Variants in RESF1 observed in about 807,000 individuals in gnomAD.
RESF1 encodes gonad expressed transcript.
In RESF1, 65 loss-of-function variants were observed where a neutral mutation model predicts 134.7. The observed-to-expected ratio is 0.48, with a 90% CI of 0.40 to 0.59. RESF1 has a LOEUF of 0.59. Among genes scored for constraint, RESF1 ranks in the 20% least tolerant of loss-of-function variants. RESF1 has a pLI of 0.00. For missense variants in RESF1, 2,274 were observed against 2,002.7 expected (o/e 1.14, Z -2.59); for synonymous variants, 762 against 702.2 (o/e 1.09, Z -1.35).
intron 1 of RESF1, 102 bp downstream of exon 1, chr12:31,959,593 CGCGCGGCGCAGA>C (rs1398261807): frequency 6.6e-6 from 1 of 152,138 alleles, no homozygotes; most frequent in Non-Finnish European, 1.5e-5. Context: ...TCCGGGCCTG[CGCGCGGCGCAGA>C]GCGCTTTTGT....
intron 5 of RESF1, among the ~76,000 whole-genome samples, chr12:31,989,163 G>A (rs377612118): frequency 1.3e-5 from 2 of 150,980 alleles, no homozygotes; most frequent in Non-Finnish European, 3.0e-5. Flanking sequence ...TTGGGAGGCC[G>A]AGGCAGGCGG....
At position 31,983,249 on chromosome 12, in the gene RESF1, CGTTA is replaced by C; in HGVS notation, c.2298_2301del (p.Leu766PhefsTer13). 6.2e-7 allele frequency: 1 copy of C among 1,611,670 alleles called. No individual in the cohort carries two copies. Among genetic ancestry groups the C allele is most frequent in the Non-Finnish European group, 8.5e-7 (1 of 1,178,784 alleles). On this transcript the variant is annotated frameshift_variant, in exon 4 of 6. Coordinates refer to ENST00000312561, the MANE Select transcript of RESF1 (RefSeq NM_018169.4). LOFTEE classifies it high-confidence loss of function. ...GAACTTCAGATAGCTGTAGTGTCACCGTTAGTTCTGTCAGAGGTCAAAACATTGT... is the reference window on the plus strand; with the variant it reads ...GAACTTCAGATAGCTGTAGTGTCACCGTTCTGTCAGAGGTCAAAACATTGT...
intron 3 of RESF1, 147 bp from the exon 4 acceptor site, chr12:31,980,731 T>C (rs563646927): frequency 1.4e-4 from 58 of 429,320 alleles, no homozygotes; most frequent in African/African-American, 1.1e-3. Context: ...TTTATTGTTG[T>C]ATCCTCTATT....
At chr12:31,988,554 C>T (rs760478139) in intron 5 of RESF1, among the ~76,000 whole-genome samples, 4 of 152,132 alleles carry the variant, frequency 2.6e-5, no homozygotes, top group Non-Finnish European at 5.9e-5. Flanking sequence ...TGGGTGGATG[C>T]TGCAGAAGTG....
chr12:31,982,798 G>A lies in RESF1; in HGVS notation c.1843G>A (p.Glu615Lys). ...TIQDSKPDSC[E>K]MNPNTQMTGN... ...TCAGGATTCTAAACCAGACAGTTGT[G>A]AAATGAATCCAAATACCCAAATGAC... The change falls in exon 4 of 6, where the codon GAA becomes AAA. Residue 615 changes from glutamate (E) to lysine (K), a missense_variant. Coordinates refer to ENST00000312561, the MANE Select transcript of RESF1 (RefSeq NM_018169.4). The A allele has an allele frequency of 2.5e-6, 4 of 1,614,150 alleles. No individual in the cohort carries two copies. Among genetic ancestry groups the A allele is most frequent in the Non-Finnish European group, 3.4e-6 (4 of 1,180,006 alleles).
intron 3 of RESF1, among the ~76,000 whole-genome samples, chr12:31,974,750 A>C (rs1939592337): frequency 6.6e-6 from 1 of 152,068 alleles, no homozygotes; most frequent in South Asian, 2.1e-4. Context: ...GGGGACAGTG[A>C]GGGGGACGGG....
Position 31,981,405 on chromosome 12 carries a change from G to A in RESF1, c.450G>A (p.Pro150=), listed in dbSNP as rs188260704. ...TTGGAGCTAACGTACCCAATATGCC[G>A]GCACTACAGAGTCAACTGATAACAT... ...TDFGANVPNM[P]ALQSQLITSD... The change falls in exon 4 of 6, where the codon CCG becomes CCA. Residue 150 remains proline (P), a synonymous_variant. Transcript: ENST00000312561. 25 of 1,613,956 alleles carry A rather than the reference G, an allele frequency of 1.5e-5. No individual in the cohort carries two copies. The African/African-American group carries it at 2.3e-4, about 15-fold the overall frequency.
intron 2 of RESF1, among the ~76,000 whole-genome samples, chr12:31,968,571 C>T (rs1939446722): frequency 6.6e-6 from 1 of 151,956 alleles, no homozygotes; most frequent in Non-Finnish European, 1.5e-5. Context: ...GCCTCAGCCT[C>T]CCGAGTAGCT....
At chr12:31,962,290 C>G (rs1298657022) in intron 2 of RESF1, among the ~76,000 whole-genome samples, 1 of 151,328 alleles carries the variant, frequency 6.6e-6, no homozygotes, top group Non-Finnish European at 1.5e-5. Flanking sequence ...CTCCCTCCCC[C>G]ATTAGAGGCA....
Position 31,983,754 on chromosome 12 carries a change from G to C in RESF1, c.2799G>C (p.Gly933=), listed in dbSNP as rs1367598085. Residue 933 remains glycine, a synonymous_variant, in exon 4 of 6, where the codon GGG becomes GGC. Coordinates refer to ENST00000312561, the MANE Select transcript of RESF1 (RefSeq NM_018169.4). ...PQKPSLPNQQ[G]IGSREPEKQL... ...AACCTTCTCTACCCAATCAGCAAGG[G>C]ATTGGCAGCAGAGAACCAGAAAAAC... The C allele has an allele frequency of 6.2e-7, 1 of 1,613,624 alleles. No individual in the cohort carries two copies. The highest frequency in any genetic ancestry group is 1.3e-5 in the African/African-American group (1 of 74,924).
Position 31,982,855 on chromosome 12 carries a change from A to G in RESF1, c.1900A>G (p.Thr634Ala). The change falls in exon 4 of 6, where the codon ACT becomes GCT. Residue 634 changes from threonine (T) to alanine (A), a missense_variant. Coordinates refer to ENST00000312561, the MANE Select transcript of RESF1 (RefSeq NM_018169.4). ...CCAACTGAATTTGAAGAACATGGAA[A>G]CTCCAAGTACTTCTAATGTAAGTGG... ...GNQLNLKNME[T>A]PSTSNVSGRV... 6.2e-7 allele frequency: 1 copy of G among 1,613,856 alleles called. No homozygotes were observed. The highest frequency in any genetic ancestry group is 8.5e-7 in the Non-Finnish European group (1 of 1,179,834).
At chr12:31,964,422 A>T (rs1939351950) in intron 2 of RESF1, among the ~76,000 whole-genome samples, 1 of 152,164 alleles carries the variant, frequency 6.6e-6, no homozygotes, top group African/African-American at 2.4e-5. Flanking sequence ...TTTGCTAAGG[A>T]TAATGTCCTC....
intron 3 of RESF1, among the ~76,000 whole-genome samples, chr12:31,979,006 C>T (rs1046360974): frequency 6.6e-6 from 1 of 150,966 alleles, no homozygotes; most frequent in African/African-American, 2.4e-5. Flanking sequence ...CTGCAAGCTC[C>T]GCCTACCGGG....
chr12:31,981,603 G>T lies in RESF1; in HGVS notation c.648G>T (p.Lys216Asn), dbSNP rs757643502. The stretch of plus-strand genomic sequence containing the variant: ...ACCCAGATTACAGACCACCTCCAAA[G>T]CTATACCGTTACTCACCACAAAGCT... ...LTYPDYRPPPKLYRYSPQSFL... is the reference protein window; with the variant it reads ...LTYPDYRPPPNLYRYSPQSFL... Residue 216 changes from lysine to asparagine, a missense_variant, in exon 4 of 6, where the codon AAG (lysine) becomes AAT (asparagine). By Grantham distance (94) the Lys-to-Asn change is moderately conservative. Coordinates refer to ENST00000312561, the MANE Select transcript of RESF1 (RefSeq NM_018169.4). 6.2e-7 allele frequency: 1 copy of T among 1,614,094 alleles called. No individual in the cohort carries two copies. Among genetic ancestry groups the T allele is most frequent in the Non-Finnish European group, 8.5e-7 (1 of 1,180,024 alleles).
rs563468924 is a variant in RESF1, at chr12:31,969,991, T to G, written c.-246-198T>G. On this transcript the variant is annotated intron_variant, in intron 2 of 5. Transcript: ENST00000312561. ...TATGGTTATTTCCTATAGGTATAAT[T>G]TTAGATTATTTTTTGCTTTATAATT... Among the ~76,000 whole-genome samples, 3 of 152,340 alleles carry G rather than the reference T, an allele frequency of 2.0e-5. No homozygotes were observed. In the East Asian group the frequency reaches 5.8e-4, roughly 29 times the overall value.
Position 31,966,610 on chromosome 12 carries a change from A to G in RESF1, c.-246-3579A>G, listed in dbSNP as rs143335697. ...CGAGTCAGAAAAAGTAGAGCAATTT[A>G]TTTCTCCCTTTTTTAGGGAGAAAGC... On this transcript the variant is annotated intron_variant, in intron 2 of 5. Transcript: ENST00000312561. Among the ~76,000 whole-genome samples, 50 of 152,200 alleles carry G rather than the reference A, an allele frequency of 3.3e-4. No individual in the cohort carries two copies. The East Asian group carries it at 8.1e-3, about 25-fold the overall frequency.
chr12:31,973,471 C>G (rs1264231975), intron 3 of RESF1, among the ~76,000 whole-genome samples: 1 of 152,140 alleles, frequency 6.6e-6, no homozygotes, highest in Non-Finnish European at 1.5e-5. Flanking sequence ...CCTTGTCTGG[C>G]TACACTTGGA....
chr12:31,967,043 CACAA>C (rs1939413714), intron 2 of RESF1, among the ~76,000 whole-genome samples: 1 of 152,172 alleles, frequency 6.6e-6, no homozygotes, highest in South Asian at 2.1e-4. Context: ...GAGAAACAGT[CACAA>C]AGCAGTTTCT....
intron 2 of RESF1, among the ~76,000 whole-genome samples, chr12:31,968,595 C>T (rs1939447325): frequency 6.6e-6 from 1 of 151,666 alleles, no homozygotes; most frequent in South Asian, 2.1e-4. Context: ...ATTACAGGCG[C>T]CCACCACCAT....
Sources: allele counts gnomAD v4.1 joint callset (sites outside exome capture counted in the v4.1 genomes callset), GRCh38; gene constraint gnomAD v4.1.1; transcripts MANE v1.5; gene names NCBI Gene and HGNC (gene_info 2026-07-23, HGNC 2026-07-21).